Variants in TENM1 observed in about 807,000 individuals in gnomAD.
TENM1 encodes the protein teneurin-1.
In TENM1, 35 loss-of-function variants were observed where a neutral mutation model predicts 174.8. The observed-to-expected ratio is 0.20, with a 90% confidence interval of 0.15 to 0.27. The LOEUF (loss-of-function observed/expected upper bound fraction) is 0.27, where lower values mean the gene tolerates loss of function less well. Among genes scored for constraint, TENM1 ranks in the 10% least tolerant of loss-of-function variants. The probability of loss-of-function intolerance (pLI) is 1.00; values close to 1 mark genes in which losing one functional copy is unlikely to be tolerated. For missense variants in TENM1, 1,633 were observed against 2,130.1 expected, an observed-to-expected ratio of 0.77 and a Z score of 4.59; for synonymous variants, 781 against 798.7, an observed-to-expected ratio of 0.98 and a Z score of 0.37.
chrX:124,754,690 T>C, intron 3 of TENM1, among the ~76,000 whole-genome samples: 1 of 109,487 alleles, frequency 9.1e-6, no homozygotes, highest in African/African-American at 3.4e-5. Flanking sequence ...ATGTTGTGTC[T>C]TTGTTCTCGT....
chrX:124,614,739 T>C (rs1281598287), intron 11 of TENM1, among the ~76,000 whole-genome samples: 1 of 111,899 alleles, frequency 8.9e-6, no homozygotes, highest in Admixed American at 9.4e-5. Context: ...AAAAATTAGC[T>C]GGGCGTGGTG....
chrX:125,037,037 T>C, the TENM1 span, among the ~76,000 whole-genome samples: 1 of 112,065 alleles, frequency 8.9e-6, no homozygotes, highest in Admixed American at 9.5e-5. Context: ...TTAAAATATT[T>C]AGTTATGGAT....
intron 3 of TENM1, among the ~76,000 whole-genome samples, chrX:124,848,288 A>T (rs2147387909): frequency 9.0e-6 from 1 of 110,798 alleles, no homozygotes; most frequent in Admixed American, 9.6e-5. Flanking sequence ...TTTTTAGTGT[A>T]TCTAAATTTT....
chrX:124,422,614 G>C (rs149993635), exon 24 of TENM1: 5 of 1,207,258 alleles, frequency 4.1e-6, no homozygotes, highest in Non-Finnish European at 5.6e-6. Flanking sequence ...TTTACTGCAA[G>C]GTCTGTTGGC....
At chrX:124,764,497 C>T (rs1236991368) in intron 3 of TENM1, among the ~76,000 whole-genome samples, 1 of 110,643 alleles carries the variant, frequency 9.0e-6, no homozygotes, top group African/African-American at 3.3e-5. Flanking sequence ...TCTGTCTTGT[C>T]CCTCAACTAA....
the TENM1 span, among the ~76,000 whole-genome samples, chrX:125,002,318 A>G: frequency 9.0e-6 from 1 of 111,574 alleles, no homozygotes; most frequent in Non-Finnish European, 1.9e-5. Context: ...TTTCCTAGAG[A>G]GCAAGGAGCT....
At chrX:125,201,800 A>T in the TENM1 span, among the ~76,000 whole-genome samples, 2 of 112,051 alleles carry the variant, frequency 1.8e-5, no homozygotes, top group African/African-American at 6.5e-5. Flanking sequence ...AATTACTCTT[A>T]AAAACCCCAA....
intron 3 of TENM1, among the ~76,000 whole-genome samples, chrX:124,848,284 G>C (rs2056650431): frequency 9.1e-6 from 1 of 110,314 alleles, no homozygotes; most frequent in Non-Finnish European, 1.9e-5. Flanking sequence ...AAATTTTTTA[G>C]TGTATCTAAA....
At chrX:125,106,908 G>T in the TENM1 span, among the ~76,000 whole-genome samples, 1 of 111,959 alleles carries the variant, frequency 8.9e-6, no homozygotes, top group Non-Finnish European at 1.9e-5. Context: ...AACGGTCACA[G>T]AAATGCCAGT....
chrX:124,503,586 T>C (rs1293282649), exon 19 of TENM1: 2 of 1,205,406 alleles, frequency 1.7e-6, no homozygotes, highest in African/African-American at 3.5e-5. Flanking sequence ...AATGTGATGC[T>C]TATTCAAAGA....
chrX:124,390,512 T>A (rs757862224), intron 28 of TENM1, among the ~76,000 whole-genome samples: 1 of 111,911 alleles, frequency 8.9e-6, no homozygotes. Context: ...ATTAGCTCAG[T>A]TGGTCGGACT....
the TENM1 span, among the ~76,000 whole-genome samples, chrX:125,018,332 T>C: frequency 9.0e-6 from 1 of 111,530 alleles, no homozygotes; most frequent in Non-Finnish European, 1.9e-5. Context: ...AGCATTTGTT[T>C]AGTTTTTGGT....
chrX:125,161,057 A>AC, the TENM1 span, among the ~76,000 whole-genome samples: 1 of 108,033 alleles, frequency 9.3e-6, no homozygotes, highest in East Asian at 2.9e-4. Flanking sequence ...AAAAAAAAAA[A>AC]AAAACAAAAC....
At chrX:124,578,037 C>T (rs1037851510) in intron 11 of TENM1, among the ~76,000 whole-genome samples, 35 of 108,423 alleles carry the variant, frequency 3.2e-4, no homozygotes, top group African/African-American at 1.1e-3. Context: ...GCAATCCTCC[C>T]GCCTCAGCCT....
At chrX:124,396,771 C>T (rs1341638589) in intron 27 of TENM1, among the ~76,000 whole-genome samples, 1 of 111,669 alleles carries the variant, frequency 9.0e-6, no homozygotes, top group East Asian at 2.8e-4. Context: ...AAGTGTGGAC[C>T]ATCAATCTTT....
intron 11 of TENM1, among the ~76,000 whole-genome samples, chrX:124,601,161 A>G (rs1341805810): frequency 8.9e-6 from 1 of 112,081 alleles, no homozygotes; most frequent in African/African-American, 3.2e-5. Flanking sequence ...AAGAAAGTGG[A>G]GAAGTTGAAG....
chrX:124,680,294 G>A (rs1031340535), intron 5 of TENM1, among the ~76,000 whole-genome samples: 4 of 111,094 alleles, frequency 3.6e-5, no homozygotes, highest in African/African-American at 1.3e-4. Flanking sequence ...TATGGTGCTA[G>A]TTTTATCCAA....
chrX:124,538,919 C>T (rs73215115), intron 15 of TENM1, among the ~76,000 whole-genome samples: 1,176 of 111,538 alleles, frequency 0.011, 10 homozygotes, highest in Non-Finnish European at 0.018. Flanking sequence ...AGGATTAACA[C>T]TAATTGATGA....
intron 14 of TENM1, among the ~76,000 whole-genome samples, chrX:124,558,316 A>C (rs1006828202): frequency 1.8e-5 from 2 of 111,821 alleles, no homozygotes; most frequent in Non-Finnish European, 3.8e-5. Context: ...AATGCAAAAA[A>C]ATTCCACCAT....
Sources: allele counts gnomAD v4.1 joint callset (sites outside exome capture counted in the v4.1 genomes callset), GRCh38; gene constraint gnomAD v4.1.1; transcripts MANE v1.5; gene names NCBI Gene and HGNC (gene_info 2026-07-23, HGNC 2026-07-21).